The following CDK14 variants were observed in gnomAD, a reference collection of about 807,000 sequenced individuals.
CDK14 encodes the protein cyclin-dependent kinase 14.
In CDK14, 34 loss-of-function variants were observed where a neutral mutation model predicts 60.7. That is an observed-to-expected ratio of 0.56 (90% CI 0.43 to 0.75). The LOEUF is 0.75. Among genes scored for constraint, CDK14 ranks in the 30% least tolerant of loss-of-function variants. The pLI, the probability that CDK14 is intolerant of heterozygous loss-of-function variation, is 0.00. For missense variants in CDK14, 482 were observed against 564.1 expected, an observed-to-expected ratio of 0.85 and a Z score of 1.47; for synonymous variants, 197 against 203.7, an observed-to-expected ratio of 0.97 and a Z score of 0.28.
At chr7:90,767,755 T>C (rs2116881308) in intron 4 of CDK14, among the ~76,000 whole-genome samples, 1 of 152,318 alleles carries the variant, frequency 6.6e-6, no homozygotes, top group Non-Finnish European at 1.5e-5. Context: ...GGAACTAATA[T>C]TATAGTAAGA....
At chr7:90,981,948 A>G (rs975265751) in intron 9 of CDK14, among the ~76,000 whole-genome samples, 5 of 152,108 alleles carry the variant, frequency 3.3e-5, no homozygotes, top group Non-Finnish European at 7.3e-5. Context: ...AATGTGACTT[A>G]GCCATCTACA....
chr7:91,103,479 T>C (rs1182456810), intron 12 of CDK14, among the ~76,000 whole-genome samples: 1 of 152,148 alleles, frequency 6.6e-6, no homozygotes, highest in African/African-American at 2.4e-5. Context: ...GAAAAAGCGC[T>C]AGTTTCAAGG....
intron 11 of CDK14, among the ~76,000 whole-genome samples, chr7:91,066,974 A>G (rs1798002610): frequency 6.6e-6 from 1 of 152,234 alleles, no homozygotes; most frequent in Non-Finnish European, 1.5e-5. Flanking sequence ...AGTGCTTTAA[A>G]TAATGACATT....
At chr7:90,768,738 T>C (rs1804668135) in intron 4 of CDK14, among the ~76,000 whole-genome samples, 2 of 152,228 alleles carry the variant, frequency 1.3e-5, no homozygotes, top group African/African-American at 4.8e-5. Flanking sequence ...TCAAAATCTG[T>C]GAGTTCAGCT....
At chr7:90,946,631 G>A (rs1794109380) in intron 8 of CDK14, among the ~76,000 whole-genome samples, 1 of 152,136 alleles carries the variant, frequency 6.6e-6, no homozygotes, top group Admixed American at 6.6e-5. Context: ...CTTAGTTCAT[G>A]TTTGAAAGTA....
chr7:91,042,708 T>G (rs915302304), intron 10 of CDK14, among the ~76,000 whole-genome samples: 1 of 152,238 alleles, frequency 6.6e-6, no homozygotes, highest in African/African-American at 2.4e-5. Context: ...GGGACCACAT[T>G]TTAAGTGTTC....
At chr7:90,982,788 G>C (rs1795265723) in intron 9 of CDK14, among the ~76,000 whole-genome samples, 1 of 152,008 alleles carries the variant, frequency 6.6e-6, no homozygotes, top group African/African-American at 2.4e-5. Flanking sequence ...GGGGCAGGGG[G>C]AGTGGGTAGG....
At chr7:91,153,059 G>A (rs1800869755) in intron 14 of CDK14, among the ~76,000 whole-genome samples, 1 of 152,174 alleles carries the variant, frequency 6.6e-6, no homozygotes, top group Admixed American at 6.5e-5. Flanking sequence ...CCAGCTGTAG[G>A]GCTGGTGGGA....
chr7:90,794,309 C>T (rs966958894), intron 5 of CDK14, among the ~76,000 whole-genome samples: 1 of 152,124 alleles, frequency 6.6e-6, no homozygotes, highest in African/African-American at 2.4e-5. Context: ...TCATTGATAA[C>T]ATCTTATCAG....
intron 11 of CDK14, among the ~76,000 whole-genome samples, chr7:91,071,807 G>A (rs1161758169): frequency 6.6e-6 from 1 of 152,226 alleles, no homozygotes; most frequent in Non-Finnish European, 1.5e-5. Flanking sequence ...TATAGCTCTA[G>A]GCCATGCTCT....
At chr7:90,985,216 G>C (rs1188229117) in intron 10 of CDK14, among the ~76,000 whole-genome samples, 2 of 152,108 alleles carry the variant, frequency 1.3e-5, no homozygotes, top group Non-Finnish European at 1.5e-5. Flanking sequence ...TAAAATGTAA[G>C]TGTTCTGGAG....
chr7:90,912,801 A>G (rs1293318453), intron 7 of CDK14, among the ~76,000 whole-genome samples: 2 of 151,984 alleles, frequency 1.3e-5, no homozygotes, highest in Non-Finnish European at 2.9e-5. Context: ...TGGTAGAGAC[A>G]TAGTTTTGCC....
At chr7:90,778,317 C>A (rs1805138254) in intron 4 of CDK14, among the ~76,000 whole-genome samples, 1 of 152,222 alleles carries the variant, frequency 6.6e-6, no homozygotes, top group South Asian at 2.1e-4. Context: ...TTTATAATTT[C>A]CGTATCCCAA....
intron 2 of CDK14, among the ~76,000 whole-genome samples, chr7:90,656,068 G>T (rs1243733140): frequency 1.3e-5 from 2 of 152,316 alleles, no homozygotes; most frequent in East Asian, 3.9e-4. Context: ...GAAACCTTTT[G>T]CGACTTCCAG....
At chr7:90,701,462 A>G (rs1299577828) in intron 2 of CDK14, among the ~76,000 whole-genome samples, 4 of 152,228 alleles carry the variant, frequency 2.6e-5, no homozygotes, top group Non-Finnish European at 1.5e-5. Context: ...AAATTTTTAT[A>G]TAGTTAAGTG....
At chr7:90,890,755 A>C (rs1792093362) in intron 6 of CDK14, among the ~76,000 whole-genome samples, 1 of 152,232 alleles carries the variant, frequency 6.6e-6, no homozygotes, top group Non-Finnish European at 1.5e-5. Context: ...CAGAGGTTAT[A>C]CCTAGAGGAA....
intron 10 of CDK14, among the ~76,000 whole-genome samples, chr7:91,013,727 G>T (rs1303993037): frequency 2.7e-5 from 4 of 147,402 alleles, no homozygotes; most frequent in Admixed American, 6.9e-5. Context: ...AGAAAGAGTG[G>T]TTCTGAGTTA....
intron 1 of CDK14, among the ~76,000 whole-genome samples, chr7:90,599,221 T>A (rs192800160): frequency 9.9e-4 from 151 of 151,926 alleles, no homozygotes; most frequent in African/African-American, 3.4e-3. Context: ...CCATGTCTTG[T>A]GTGGCACATT....
chr7:90,876,746 C>A (rs1203154091), intron 6 of CDK14, among the ~76,000 whole-genome samples: 1 of 152,168 alleles, frequency 6.6e-6, no homozygotes, highest in Non-Finnish European at 1.5e-5. Flanking sequence ...GGAATATCAT[C>A]CATTCTTAAT....
Sources: allele counts gnomAD v4.1 joint callset (sites outside exome capture counted in the v4.1 genomes callset), GRCh38; gene constraint gnomAD v4.1.1; transcripts MANE v1.5; gene names NCBI Gene and HGNC (gene_info 2026-07-23, HGNC 2026-07-21).